HNRNPC: variants seen among roughly 807,000 people sequenced by gnomAD.
HNRNPC encodes heterogeneous nuclear ribonucleoprotein C, also known as heterogeneous nuclear ribonucleoproteins C1/C2.
A neutral mutation model predicts 33.2 loss-of-function variants in HNRNPC; 3 were observed. The observed-to-expected ratio is 0.09, with a 90% CI of 0.04 to 0.23. HNRNPC has a LOEUF of 0.23. HNRNPC is among the 10% of genes least tolerant of loss of function. The probability of loss-of-function intolerance (pLI) is 1.00; values close to 1 mark genes in which losing one functional copy is unlikely to be tolerated. For synonymous variants in HNRNPC, 121 were observed against 126.7 expected (o/e 0.96, Z 0.30); for missense variants, 143 against 366.7 (o/e 0.39, Z 4.98).
chr14:21,225,967 CAG>C (rs1341432876), intron 5 of HNRNPC, among the ~76,000 whole-genome samples: 1 of 151,948 alleles, frequency 6.6e-6, no homozygotes, highest in Non-Finnish European at 1.5e-5. Context: ...TGGCACAAAT[CAG>C]AAAACACATA....
At chr14:21,268,275 C>G (rs760703575) in intron 1 of HNRNPC, among the ~76,000 whole-genome samples, 3 of 152,136 alleles carry the variant, frequency 2.0e-5, no homozygotes, top group Non-Finnish European at 2.9e-5. Context: ...TTTTTGCCCA[C>G]ATTTAGGCGG....
chr14:21,221,052 A>C (rs1206835468), intron 5 of HNRNPC, among the ~76,000 whole-genome samples: 1 of 152,052 alleles, frequency 6.6e-6, no homozygotes, highest in East Asian at 1.9e-4. Flanking sequence ...GTGCCACTGC[A>C]CTCCTGCCTC....
chr14:21,227,805 T>C (rs1313006783), intron 5 of HNRNPC, among the ~76,000 whole-genome samples: 1 of 152,224 alleles, frequency 6.6e-6, no homozygotes, highest in East Asian at 1.9e-4. Flanking sequence ...CACTGTATAC[T>C]GCTAAAACTT....
Position 21,245,658 on chromosome 14 carries a change from G to A in HNRNPC, c.-36-11429C>T, listed in dbSNP as rs117262066. On this transcript the variant is annotated intron_variant, in intron 2 of 8. Coordinates refer to ENST00000553300, the MANE Select transcript of HNRNPC (RefSeq NM_004500.4). The stretch of plus-strand genomic sequence containing the variant: ...CACTACTGTGGACTTTATAAACATG[G>A]TACACTTAAGGCTACAGTAAGTTTG... 2.7e-3 allele frequency among the ~76,000 whole-genome samples: 413 copies of A among 152,088 alleles called. 1 individual carries two copies. Among genetic ancestry groups the A allele is most frequent in the Non-Finnish European group, 4.7e-3 (322 of 68,000 alleles).
chr14:21,254,263 A>G (rs956406915), intron 2 of HNRNPC, among the ~76,000 whole-genome samples: 2 of 152,172 alleles, frequency 1.3e-5, no homozygotes, highest in African/African-American at 2.4e-5. Context: ...AAAATATAGT[A>G]CAAGTATACA....
chr14:21,229,025 C>T (rs1025655681), intron 5 of HNRNPC, among the ~76,000 whole-genome samples: 2 of 148,242 alleles, frequency 1.3e-5, no homozygotes, highest in Non-Finnish European at 3.0e-5. Context: ...GCGTATGTTG[C>T]AGTGAGCCAA....
chr14:21,262,182 T>C (rs531852418), intron 2 of HNRNPC, among the ~76,000 whole-genome samples: 1 of 152,328 alleles, frequency 6.6e-6, no homozygotes, highest in South Asian at 2.1e-4. Flanking sequence ...ATGGTTTGAC[T>C]CTTGTGAAAT....
At chr14:21,212,827 G>T in intron 6 of HNRNPC, 133 bp downstream of exon 6, 1 of 1,155,092 alleles carries the variant, frequency 8.7e-7, no homozygotes, top group African/African-American at 1.5e-5. Context: ...ACAGGCATGA[G>T]CCACCACACA....
chr14:21,252,799 G>A (rs886722404), intron 2 of HNRNPC, among the ~76,000 whole-genome samples: 5 of 152,102 alleles, frequency 3.3e-5, no homozygotes, highest in African/African-American at 4.8e-5. Context: ...AAAAAGGCTG[G>A]CCAAGGATTA....
At chr14:21,238,473 G>A (rs74037744) in intron 2 of HNRNPC, among the ~76,000 whole-genome samples, 2,258 of 152,228 alleles carry the variant, frequency 0.015, 55 homozygotes, top group African/African-American at 0.052. Flanking sequence ...CAGTTTCTCT[G>A]TATTTCCCAA....
intron 2 of HNRNPC, among the ~76,000 whole-genome samples, chr14:21,256,456 A>C (rs375607155): frequency 1.8e-3 from 271 of 149,324 alleles, no homozygotes; most frequent in African/African-American, 4.4e-3. Context: ...TCTCCCCCCC[A>C]AAAAAAAAAT....
intron 5 of HNRNPC, among the ~76,000 whole-genome samples, chr14:21,228,402 T>C (rs1893715720): frequency 6.6e-6 from 1 of 152,242 alleles, no homozygotes; most frequent in Non-Finnish European, 1.5e-5. Flanking sequence ...TATTTTGTTT[T>C]ATTTTTTGAG....
intron 1 of HNRNPC, among the ~76,000 whole-genome samples, chr14:21,267,095 C>CAAAAAAAA (rs56203257): frequency 5.3e-4 from 55 of 104,100 alleles, no homozygotes; most frequent in Admixed American, 6.1e-4. Context: ...GACTCCGTCT[C>CAAAAAAAA]AAAAAAAAAA....
intron 5 of HNRNPC, among the ~76,000 whole-genome samples, chr14:21,229,555 G>A (rs1415319945): frequency 6.6e-6 from 1 of 152,142 alleles, no homozygotes; most frequent in African/African-American, 2.4e-5. Context: ...CATATTCTGT[G>A]AGGTTATTTC....
At chr14:21,221,185 A>G (rs538120022) in intron 5 of HNRNPC, among the ~76,000 whole-genome samples, 121 of 152,302 alleles carry the variant, frequency 7.9e-4, no homozygotes, top group African/African-American at 2.6e-3. Context: ...CATCACAAAT[A>G]CCAGTTTATT....
chr14:21,243,165 C>G (rs1895558151), intron 2 of HNRNPC, among the ~76,000 whole-genome samples: 1 of 152,110 alleles, frequency 6.6e-6, no homozygotes, highest in African/African-American at 2.4e-5. Flanking sequence ...GCAAAAGAGA[C>G]ATTTTTATCT....
At chr14:21,233,593 C>T (rs865829811) in intron 3 of HNRNPC, among the ~76,000 whole-genome samples, 3 of 152,084 alleles carry the variant, frequency 2.0e-5, no homozygotes, top group South Asian at 4.1e-4. Context: ...GTCGGCCCAA[C>T]GGATGGAGTG....
At chr14:21,239,454 G>A (rs1406064232) in intron 2 of HNRNPC, among the ~76,000 whole-genome samples, 2 of 151,402 alleles carry the variant, frequency 1.3e-5, no homozygotes, top group African/African-American at 4.9e-5. Context: ...ACTCCAGTCT[G>A]GGTGACAGAG....
intron 2 of HNRNPC, among the ~76,000 whole-genome samples, chr14:21,242,606 G>C (rs1323872305): frequency 6.6e-6 from 1 of 152,188 alleles, no homozygotes; most frequent in Non-Finnish European, 1.5e-5. Context: ...GGTGAGTGGA[G>C]TACAGGATTT....
Sources: allele counts gnomAD v4.1 joint callset (sites outside exome capture counted in the v4.1 genomes callset), GRCh38; gene constraint gnomAD v4.1.1; transcripts MANE v1.5; gene names NCBI Gene and HGNC (gene_info 2026-07-23, HGNC 2026-07-21).